ZNF674: variants seen among roughly 807,000 people sequenced by gnomAD.
The protein encoded by ZNF674 is zinc finger family member 674.
In ZNF674, 2 loss-of-function variants were observed where a neutral mutation model predicts 7.0. The observed-to-expected ratio is 0.29, with a 90% CI of 0.12 to 0.90. The LOEUF (loss-of-function observed/expected upper bound fraction) is 0.90. Among genes scored for constraint, ZNF674 ranks in the 40% least tolerant of loss-of-function variants. ZNF674 has a pLI of 0.57. For missense variants in ZNF674, 297 were observed against 415.5 expected, an observed-to-expected ratio of 0.71 and a Z score of 2.48; for synonymous variants, 103 against 145.2, an observed-to-expected ratio of 0.71 and a Z score of 2.09.
At chrX:46,536,435 C>G (rs1403852677) in intron 3 of ZNF674, among the ~76,000 whole-genome samples, 1 of 110,704 alleles carries the variant, frequency 9.0e-6, no homozygotes, top group East Asian at 2.9e-4. Context: ...ACTAAGAATA[C>G]AAAAATTAGC....
intron 4 of ZNF674, 55 bp from the exon 5 acceptor site, chrX:46,528,500 C>T (rs1224651593): frequency 1.8e-6 from 2 of 1,134,285 alleles, no homozygotes; most frequent in Non-Finnish European, 1.2e-6. Flanking sequence ...AATTCCAGAA[C>T]CTAGGCCCAC....
chrX:46,532,001 C>T (rs867852255), intron 3 of ZNF674, among the ~76,000 whole-genome samples: 3 of 110,785 alleles, frequency 2.7e-5, no homozygotes, highest in African/African-American at 6.5e-5. Flanking sequence ...TCCGTCTTTA[C>T]TAAAAATACA....
At chrX:46,516,605 C>T (rs765277235) in intron 5 of ZNF674, among the ~76,000 whole-genome samples, 16 of 112,497 alleles carry the variant, frequency 1.4e-4, no homozygotes, top group Non-Finnish European at 2.6e-4. Flanking sequence ...ATGGCACATG[C>T]ACACGACAGA....
intron 5 of ZNF674, among the ~76,000 whole-genome samples, chrX:46,527,249 C>G (rs1222336164): frequency 9.8e-6 from 1 of 101,626 alleles, no homozygotes; most frequent in South Asian, 4.4e-4. Context: ...GGCAACAGAG[C>G]AAGACTCCAT....
At chrX:46,519,261 GATAA>G (rs1244143447) in intron 5 of ZNF674, among the ~76,000 whole-genome samples, 1 of 47,894 alleles carries the variant, frequency 2.1e-5, no homozygotes, top group Non-Finnish European at 4.3e-5. Context: ...TAGATAGATA[GATAA>G]AGATAGATGA....
intron 5 of ZNF674, among the ~76,000 whole-genome samples, chrX:46,519,748 A>C (rs1474306096): frequency 8.9e-6 from 1 of 112,281 alleles, no homozygotes; most frequent in Non-Finnish European, 1.9e-5. Flanking sequence ...CTGGAAATTC[A>C]TCCCAGGGAA....
At chrX:46,503,411 G>A (rs1941470575) in intron 5 of ZNF674, among the ~76,000 whole-genome samples, 1 of 111,856 alleles carries the variant, frequency 8.9e-6, no homozygotes, top group African/African-American at 3.2e-5. Context: ...AGGAAAAAGC[G>A]GGTAAGGAAA....
At chrX:46,507,238 G>A (rs1941558004) in intron 5 of ZNF674, among the ~76,000 whole-genome samples, 1 of 111,055 alleles carries the variant, frequency 9.0e-6, no homozygotes, top group South Asian at 3.8e-4. Flanking sequence ...TATAGTCCCA[G>A]CTACTCGGGA....
chrX:46,514,021 C>T (rs766672176), intron 5 of ZNF674, among the ~76,000 whole-genome samples: 22 of 111,362 alleles, frequency 2.0e-4, no homozygotes, highest in South Asian at 3.8e-4. Flanking sequence ...GCCAAGATGG[C>T]GCCATTGCTC....
In ZNF674 at chrX:46,528,444, C is replaced by T. The variant is rs1569480322; in HGVS notation, c.144G>A (p.Gly48=). The change falls in exon 5 of 6, where the codon GGG becomes GGA. Residue 48 remains glycine (G), a splice_region_variant and synonymous_variant. Transcript: ENST00000683375. ...LENYSHLVSV[G]HLVGKPDVIF... is the part of the protein sequence containing the mutation. ...TCACATCTGGCTTCCCAACTAGATG[C>T]CCTGTTTAGGGGACATGACATAGGA... 1 of 1,206,322 alleles carries T rather than the reference C, an allele frequency of 8.3e-7. No individual in the cohort carries two copies. The highest frequency in any genetic ancestry group is 3.0e-5 in the East Asian group (1 of 33,826).
At chrX:46,523,849 C>G (rs1229672782) in intron 5 of ZNF674, among the ~76,000 whole-genome samples, 2 of 110,713 alleles carry the variant, frequency 1.8e-5, no homozygotes, top group Non-Finnish European at 3.8e-5. Flanking sequence ...CTGAGACCAC[C>G]CTGGCCAACA....
intron 5 of ZNF674, among the ~76,000 whole-genome samples, chrX:46,520,168 A>G (rs1941880776): frequency 9.0e-6 from 1 of 111,033 alleles, no homozygotes; most frequent in Non-Finnish European, 1.9e-5. Flanking sequence ...TTGGGAGGCC[A>G]AGTTGGGCAG....
At chrX:46,505,795 C>CACACACACACACACACACACAT (rs1556010542) in intron 5 of ZNF674, among the ~76,000 whole-genome samples, 1 of 106,335 alleles carries the variant, frequency 9.4e-6, no homozygotes, top group African/African-American at 3.6e-5. Context: ...CACACACACA[C>CACACACACACACACACACACAT]GAAAAAAAAA....
chrX:46,499,765 T>A lies in ZNF674; in HGVS notation c.*78A>T, dbSNP rs961465726. ...ACATTTATAAGATTACTCGCCATGA[T>A]TATTTGACAAATAATGAGACTAGTA... On this transcript the variant is annotated 3_prime_UTR_variant, in exon 6 of 6. Transcript: ENST00000683375. The A allele has an allele frequency of 2.2e-5, 17 of 780,804 alleles. No individual in the cohort carries two copies. Among genetic ancestry groups the A allele is most frequent in the Non-Finnish European group, 2.8e-5 (16 of 572,896 alleles). The allele number at this position is 780,804 out of a possible 1,213,427, so 64.3% of individuals were successfully genotyped here. A position where few individuals can be genotyped will look rare whatever the true frequency, so the allele number is the denominator to read the frequency against.
At chrX:46,511,360 A>G (rs767119703) in intron 5 of ZNF674, among the ~76,000 whole-genome samples, 2 of 112,182 alleles carry the variant, frequency 1.8e-5, no homozygotes, top group South Asian at 7.3e-4. Flanking sequence ...TCATATACTA[A>G]TATTAACCAA....
intron 5 of ZNF674, among the ~76,000 whole-genome samples, chrX:46,519,601 C>T (rs940201426): frequency 1.1e-4 from 12 of 106,294 alleles, no homozygotes; most frequent in East Asian, 2.9e-4. Context: ...GAGCGAGACT[C>T]GCTCTCAAAA....
At chrX:46,524,213 A>G (rs1422912020) in intron 5 of ZNF674, among the ~76,000 whole-genome samples, 1 of 112,254 alleles carries the variant, frequency 8.9e-6, no homozygotes, top group Non-Finnish European at 1.9e-5. Flanking sequence ...TTATGAGGCC[A>G]GCATAACCCT....
chrX:46,533,827 A>T (rs866461831), intron 3 of ZNF674, among the ~76,000 whole-genome samples: 15 of 70,784 alleles, frequency 2.1e-4, no homozygotes, highest in African/African-American at 3.9e-4. Context: ...AAAAAAAAAA[A>T]AAATATATAT....
At position 46,503,316 on chromosome X, in the gene ZNF674, G is replaced by A. The variant is rs970880531; in HGVS notation, c.239-1981C>T. On this transcript the variant is annotated intron_variant, in intron 5 of 5. Transcript: ENST00000683375. ...AGATGACAAAGACATTTTTGGACAA[G>A]AAAAGACAAAGAATTTGCCATACAC... 2.7e-5 allele frequency among the ~76,000 whole-genome samples: 3 copies of A among 111,786 alleles called. No homozygotes were observed. In the Admixed American group the frequency reaches 2.9e-4, roughly 11 times the overall value.
Sources: allele counts gnomAD v4.1 joint callset (sites outside exome capture counted in the v4.1 genomes callset), GRCh38; gene constraint gnomAD v4.1.1; transcripts MANE v1.5; gene names NCBI Gene and HGNC (gene_info 2026-07-23, HGNC 2026-07-21).